The following DLC1 variants were observed in gnomAD, a reference collection of about 807,000 sequenced individuals.
DLC1 encodes the protein rho GTPase-activating protein 7.
DLC1 carries 54 observed loss-of-function variants against 140.3 expected under a neutral mutation model. The observed-to-expected ratio is 0.38, with a 90% CI of 0.31 to 0.48. DLC1 has a LOEUF of 0.48. Among genes scored for constraint, DLC1 ranks in the 20% least tolerant of loss-of-function variants. DLC1 has a pLI of 0.96. For synonymous variants in DLC1, 986 were observed against 728.1 expected (o/e 1.35, Z -5.70); for missense variants, 2,536 against 1,907.0 (o/e 1.33, Z -6.14).
chr8:13,355,506 T>TCCTCCTGG (rs935998467), intron 4 of DLC1, among the ~76,000 whole-genome samples: 11 of 152,326 alleles, frequency 7.2e-5, no homozygotes, highest in African/African-American at 2.2e-4. Flanking sequence ...GTGAGGGTTC[T>TCCTCCTGG]CCTCCTGGCT....
At chr8:13,186,996 A>T (rs1826410424) in intron 5 of DLC1, among the ~76,000 whole-genome samples, 1 of 152,184 alleles carries the variant, frequency 6.6e-6, no homozygotes, top group Non-Finnish European at 1.5e-5. Flanking sequence ...ACAGAAGAGC[A>T]AATATTTCAG....
chr8:13,421,503 C>T (rs541559977), intron 2 of DLC1, among the ~76,000 whole-genome samples: 21 of 152,178 alleles, frequency 1.4e-4, no homozygotes, highest in Middle Eastern at 3.4e-3. Context: ...AAAGTTCCTA[C>T]GGAAAAAGCA....
At chr8:13,128,355 C>G (rs911022101) in intron 5 of DLC1, among the ~76,000 whole-genome samples, 2 of 152,132 alleles carry the variant, frequency 1.3e-5, no homozygotes, top group Non-Finnish European at 2.9e-5. Context: ...AGACAGAGCC[C>G]CAAGTCTCCT....
intron 2 of DLC1, among the ~76,000 whole-genome samples, chr8:13,471,929 C>T (rs1352416190): frequency 2.0e-5 from 3 of 152,194 alleles, no homozygotes; most frequent in Non-Finnish European, 2.9e-5. Flanking sequence ...ATGGAGCTCT[C>T]CCACTCTGGG....
chr8:13,144,580 A>C (rs1823279278), intron 5 of DLC1, among the ~76,000 whole-genome samples: 1 of 152,108 alleles, frequency 6.6e-6, no homozygotes, highest in South Asian at 2.1e-4. Flanking sequence ...CCTGGCTAAC[A>C]CAGTGAAATC....
chr8:13,504,800 C>T (rs146110632), intron 1 of DLC1, among the ~76,000 whole-genome samples: 2 of 151,934 alleles, frequency 1.3e-5, no homozygotes, highest in Admixed American at 6.6e-5. Flanking sequence ...TTCTCAAAAG[C>T]TACTGGAGAG....
intron 2 of DLC1, among the ~76,000 whole-genome samples, chr8:13,444,191 C>T (rs1301530542): frequency 3.9e-5 from 6 of 151,914 alleles, no homozygotes; most frequent in African/African-American, 1.2e-4. Flanking sequence ...CAAAAGTTTT[C>T]TCCCATTGAC....
intron 4 of DLC1, among the ~76,000 whole-genome samples, chr8:13,366,595 C>G (rs1835491803): frequency 6.6e-6 from 1 of 152,166 alleles, no homozygotes; most frequent in South Asian, 2.1e-4. Context: ...TTCCCAAGTT[C>G]AGACAAGAAG....
At chr8:13,090,503 AG>A (rs1203698432) in intron 14 of DLC1, 33 bp from the exon 15 acceptor site, 3 of 1,609,434 alleles carry the variant, frequency 1.9e-6, no homozygotes, top group Non-Finnish European at 2.5e-6. Context: ...AAAGGAGGTG[AG>A]TCCACCTGTA....
chr8:13,404,334 A>C (rs773691758), intron 2 of DLC1, among the ~76,000 whole-genome samples: 4 of 152,086 alleles, frequency 2.6e-5, no homozygotes, highest in Non-Finnish European at 4.4e-5. Flanking sequence ...TGCCAAGAAG[A>C]TGTTACTGAC....
chr8:13,603,914 G>A (rs17094720), intron 1 of DLC1, among the ~76,000 whole-genome samples: 3,819 of 152,042 alleles, frequency 0.025, 203 homozygotes, highest in East Asian at 0.11. Flanking sequence ...TATTTCTCTT[G>A]GACTGCGTGA....
chr8:13,138,919 T>C (rs965676411), intron 5 of DLC1, among the ~76,000 whole-genome samples: 2 of 152,206 alleles, frequency 1.3e-5, no homozygotes, highest in Non-Finnish European at 2.9e-5. Flanking sequence ...TCAGACCTTC[T>C]ATTGATTACA....
chr8:13,555,228 A>T (rs555377104), intron 1 of DLC1, among the ~76,000 whole-genome samples: 2 of 152,174 alleles, frequency 1.3e-5, no homozygotes, highest in African/African-American at 4.8e-5. Context: ...ATTTTTCTAC[A>T]TATCACATAC....
At chr8:13,092,937 G>A (rs1210079925) in intron 12 of DLC1, 112 bp from the exon 13 acceptor site, 1 of 1,206,368 alleles carries the variant, frequency 8.3e-7, no homozygotes. Context: ...TACTGAACAA[G>A]CACTTGTAGA....
chr8:13,133,101 A>T, intron 5 of DLC1: 4 of 1,488,994 alleles, frequency 2.7e-6, no homozygotes, highest in Non-Finnish European at 3.6e-6. Flanking sequence ...TCCTCAACGC[A>T]TCCTTGCTCG....
At chr8:13,208,445 C>T (rs28591193) in intron 5 of DLC1, among the ~76,000 whole-genome samples, 5,254 of 152,174 alleles carry the variant, frequency 0.035, 302 homozygotes, top group African/African-American at 0.12. Flanking sequence ...TATTATTTAT[C>T]ACTTTGTTTA....
Position 13,376,099 on chromosome 8 carries a change from G to A in DLC1, c.1314+17454C>T, listed in dbSNP as rs542077076. On this transcript the variant is annotated intron_variant, in intron 4 of 17. Transcript: ENST00000276297. Reference sequence around the variant, plus strand: ...GAAAACCTTTTCCCACATCGTCTTCGTGGCATCCGCTAGCTGAAGAAAATG... The same window carrying A: ...GAAAACCTTTTCCCACATCGTCTTCATGGCATCCGCTAGCTGAAGAAAATG... Among the ~76,000 whole-genome samples the A allele has an allele frequency of 3.7e-4, 57 of 152,164 alleles. No individual in the cohort carries two copies. In the Middle Eastern group the frequency reaches 0.017, roughly 46 times the overall value.
chr8:13,568,439 A>G lies in DLC1; in HGVS notation c.-126+36098T>C, dbSNP rs199529354. On this transcript the variant is annotated intron_variant, in intron 1 of 1. Coordinates refer to the DLC1 transcript ENST00000631382. Reference sequence around the variant, plus strand: ...TGGGACATACACATTGACAGTTTGAAGAAACATTTGATTATTTGTTTTTGC... The same window carrying G: ...TGGGACATACACATTGACAGTTTGAGGAAACATTTGATTATTTGTTTTTGC... Among the ~76,000 whole-genome samples, 10 of 152,180 alleles carry G rather than the reference A, an allele frequency of 6.6e-5. No individual in the cohort carries two copies. In the East Asian group the frequency reaches 1.2e-3, roughly 18 times the overall value.
At chr8:13,337,618 C>T (rs1457092142) in intron 4 of DLC1, among the ~76,000 whole-genome samples, 2 of 152,108 alleles carry the variant, frequency 1.3e-5, no homozygotes, top group Middle Eastern at 3.4e-3. Context: ...GAGGATAAGA[C>T]AAAATTGTAG....
Sources: gnomAD v4.1 joint callset for allele counts (sites outside exome capture counted in the v4.1 genomes callset) on GRCh38, gnomAD v4.1.1 for gene constraint, MANE v1.5 for transcripts, NCBI Gene and HGNC (gene_info 2026-07-23, HGNC 2026-07-21) for gene names.